B3GAT2: variants seen among roughly 807,000 people sequenced by gnomAD.
The protein encoded by B3GAT2 is beta-1,3-glucuronyltransferase 2.
In B3GAT2, 26 loss-of-function variants were observed where a neutral mutation model predicts 27.8. The observed-to-expected ratio is 0.93, with a 90% CI of 0.68 to 1.30. The LOEUF (loss-of-function observed/expected upper bound fraction) is 1.30, where lower values mean the gene tolerates loss of function less well. Among genes scored for constraint, B3GAT2 ranks in the 50% most tolerant of loss-of-function variants. The pLI is 0.00. For synonymous variants in B3GAT2, 218 were observed against 195.1 expected, an observed-to-expected ratio of 1.12 and a Z score of -0.98; for missense variants, 458 against 459.0, an observed-to-expected ratio of 1.00 and a Z score of 0.02.
chr6:70,862,741 A>G (rs1252303014), intron 2 of B3GAT2, among the ~76,000 whole-genome samples: 3 of 152,208 alleles, frequency 2.0e-5, no homozygotes, highest in African/African-American at 7.2e-5. Flanking sequence ...AGGCCAAGGC[A>G]GAAGGATCTC....
At chr6:70,909,615 G>GA (rs1772657382) in intron 1 of B3GAT2, among the ~76,000 whole-genome samples, 1 of 152,186 alleles carries the variant, frequency 6.6e-6, no homozygotes, top group Non-Finnish European at 1.5e-5. Context: ...ATAAGATGAT[G>GA]TATGTAAAGT....
intron 1 of B3GAT2, among the ~76,000 whole-genome samples, chr6:70,954,246 T>A (rs9455274): frequency 0.48 from 72,611 of 152,022 alleles, 17,817 homozygotes; most frequent in East Asian, 0.6. Flanking sequence ...GGAGCACTGA[T>A]GCAGGATTAA....
chr6:70,931,133 A>T (rs755476631), intron 1 of B3GAT2, among the ~76,000 whole-genome samples: 1 of 152,018 alleles, frequency 6.6e-6, no homozygotes, highest in Non-Finnish European at 1.5e-5. Context: ...GAACTGAACA[A>T]TGAGAACACT....
In B3GAT2 at chr6:70,955,959, A is replaced by AGTGGCGCGCGGCAGCCCGGGCCGCTT; in HGVS notation, c.445_470dup (p.Glu158SerfsTer101). ...AGGCGAGGCCCGCGTTGCGCTGCTC[A>AGTGGCGCGCGGCAGCCCGGGCCGCTT]GTGGCGCGCGGCAGCCCGGGCCGCT... On this transcript the variant is annotated frameshift_variant, in exon 1 of 4. Coordinates refer to ENST00000230053, the MANE Select transcript of B3GAT2 (RefSeq NM_080742.3). LOFTEE classifies it high-confidence loss of function. 1 of 1,513,812 alleles carries AGTGGCGCGCGGCAGCCCGGGCCGCTT rather than the reference A, an allele frequency of 6.6e-7. No homozygotes were observed. The highest frequency in any genetic ancestry group is 8.8e-7 in the Non-Finnish European group (1 of 1,137,338). 93.8% of individuals were successfully genotyped at this position (1,513,812 alleles called of 1,614,324 possible).
At chr6:70,874,101 C>T (rs2504748) in intron 2 of B3GAT2, among the ~76,000 whole-genome samples, 56,762 of 151,998 alleles carry the variant, frequency 0.37, 11,053 homozygotes, top group Middle Eastern at 0.42. Context: ...GTGTATTGGT[C>T]ATGCTTTCTT....
At chr6:70,884,095 CAAA>C (rs70990339) in intron 2 of B3GAT2, among the ~76,000 whole-genome samples, 7 of 100,684 alleles carry the variant, frequency 7.0e-5, no homozygotes, top group Admixed American at 1.0e-4. Context: ...CCTCAAGACT[CAAA>C]AAAAAAAAAA....
At position 70,861,608 on chromosome 6, in the gene B3GAT2, TC is replaced by T. The variant is rs1771730975; in HGVS notation, c.*54del. The T allele has an allele frequency of 1.1e-5, 16 of 1,515,632 alleles. No individual in the cohort carries two copies. Among genetic ancestry groups the T allele is most frequent in the Non-Finnish European group, 1.5e-5 (16 of 1,097,266 alleles). The allele number at this position is 1,515,632 out of a possible 1,614,324, so 93.9% of individuals were successfully genotyped here. A position where few individuals can be genotyped will look rare whatever the true frequency, so the allele number is the denominator to read the frequency against. On this transcript the variant is annotated 3_prime_UTR_variant, in exon 4 of 4. Transcript: ENST00000230053. ...TGCTCTGTAGCCTAAACTCCAAACA[TC>T]CTCTTCCATATGGATCCACTGGCTG...
At chr6:70,943,411 C>T (rs879302346) in intron 1 of B3GAT2, among the ~76,000 whole-genome samples, 10 of 152,260 alleles carry the variant, frequency 6.6e-5, no homozygotes, top group African/African-American at 1.4e-4. Flanking sequence ...TTGGCTTCAG[C>T]GCAAATTGGC....
chr6:70,856,811 G>A lies in B3GAT2; in HGVS notation c.*4852C>T. 6.6e-7 allele frequency: 1 copy of A among 1,520,910 alleles called. No individual in the cohort carries two copies. Among genetic ancestry groups the A allele is most frequent in the Non-Finnish European group, 8.9e-7 (1 of 1,129,580 alleles). The allele number at this position is 1,520,910 out of a possible 1,614,324, so 94.2% of individuals were successfully genotyped here. Reference sequence around the variant, plus strand: ...TTGGATTTTAAGTAATGGATAAGCTGCGCTTTACTATGCAGAATTTGATAG... The same window carrying A: ...TTGGATTTTAAGTAATGGATAAGCTACGCTTTACTATGCAGAATTTGATAG... On this transcript the variant is annotated 3_prime_UTR_variant, in exon 4 of 4. Transcript: ENST00000230053.
chr6:70,880,028 C>T (rs1772075747), intron 2 of B3GAT2, among the ~76,000 whole-genome samples: 1 of 128,860 alleles, frequency 7.8e-6, no homozygotes, highest in African/African-American at 2.9e-5. Context: ...AGAAATGAAG[C>T]TGTGGAGCTA....
Position 70,879,043 on chromosome 6 carries a change from C to T in B3GAT2, c.736+15085G>A, listed in dbSNP as rs138202987. Among the ~76,000 whole-genome samples the T allele has an allele frequency of 4.1e-3, 624 of 152,322 alleles. 2 individuals are homozygous for T. Among genetic ancestry groups the T allele is most frequent in the African/African-American group, 0.014 (596 of 41,568 alleles). On this transcript the variant is annotated intron_variant, in intron 2 of 3. Coordinates refer to ENST00000230053, the MANE Select transcript of B3GAT2 (RefSeq NM_080742.3). ...TTCCAACAAACAGCTTTAAACTTCA[C>T]AGTCATGTTAGTTACTATCCACTTT...
rs997692876 is a variant in B3GAT2 at position 70,956,727 on chromosome 6, G to A, written c.-298C>T. ...GGTCCAGCCGCGCGCCGCCGGTCCC[G>A]GAGTTGTGCCGAGTGCGGGAAAGGC... On this transcript the variant is annotated 5_prime_UTR_variant, in exon 1 of 4. Coordinates refer to ENST00000230053, the MANE Select transcript of B3GAT2 (RefSeq NM_080742.3). The A allele has an allele frequency of 3.8e-6, 5 of 1,314,684 alleles. No individual in the cohort carries two copies. In the African/African-American group the frequency reaches 7.9e-5, roughly 21 times the overall value. 81.4% of individuals were successfully genotyped at this position (1,314,684 alleles called of 1,614,324 possible).
intron 1 of B3GAT2, among the ~76,000 whole-genome samples, chr6:70,898,665 A>T (rs1433296417): frequency 6.6e-6 from 1 of 152,200 alleles, no homozygotes; most frequent in Non-Finnish European, 1.5e-5. Context: ...TAAATATTCA[A>T]ATCTGTGAAA....
At chr6:70,954,167 A>T (rs1035585783) in intron 1 of B3GAT2, among the ~76,000 whole-genome samples, 2 of 152,252 alleles carry the variant, frequency 1.3e-5, no homozygotes, top group Admixed American at 6.5e-5. Context: ...CTTGCGGTTT[A>T]AAAATTGTGG....
rs947170239 is a variant in B3GAT2 at position 70,875,514 on chromosome 6, A to G, written c.737-13536T>C. ...TTCATGGCTCTAAGACTGAATGCTCATATGTCATGAAGTGTTCTTTCACAG... is the reference window on the plus strand; with the variant it reads ...TTCATGGCTCTAAGACTGAATGCTCGTATGTCATGAAGTGTTCTTTCACAG... On this transcript the variant is annotated intron_variant, in intron 2 of 3. Transcript: ENST00000230053. Among the ~76,000 whole-genome samples, 4 of 152,320 alleles carry G rather than the reference A, an allele frequency of 2.6e-5. No individual in the cohort carries two copies. The East Asian group carries it at 5.8e-4, about 22-fold the overall frequency.
intron 1 of B3GAT2, among the ~76,000 whole-genome samples, chr6:70,921,256 A>G (rs1772866436): frequency 6.6e-6 from 1 of 151,824 alleles, no homozygotes; most frequent in African/African-American, 2.4e-5. Flanking sequence ...CTAATCTCAT[A>G]TTTCTCAGTG....
At chr6:70,947,833 T>G (rs1765517078) in intron 1 of B3GAT2, among the ~76,000 whole-genome samples, 1 of 152,154 alleles carries the variant, frequency 6.6e-6, no homozygotes, top group Non-Finnish European at 1.5e-5. Context: ...AAATCCTCAA[T>G]AAAATACTAG....
At chr6:70,889,116 G>C (rs900264046) in intron 2 of B3GAT2, among the ~76,000 whole-genome samples, 3 of 151,936 alleles carry the variant, frequency 2.0e-5, no homozygotes, top group South Asian at 4.2e-4. Context: ...CCAACAACTG[G>C]CCCCTCCACC....
intron 2 of B3GAT2, among the ~76,000 whole-genome samples, chr6:70,876,939 C>T (rs1289512682): frequency 1.3e-5 from 2 of 152,174 alleles, no homozygotes; most frequent in South Asian, 2.1e-4. Context: ...ACACTGAAAT[C>T]TGAGAGGGAC....
Sources: allele counts gnomAD v4.1 joint callset (sites outside exome capture counted in the v4.1 genomes callset), GRCh38; gene constraint gnomAD v4.1.1; transcripts MANE v1.5; gene names NCBI Gene and HGNC (gene_info 2026-07-23, HGNC 2026-07-21).